RASAL3: variants seen among roughly 807,000 people sequenced by gnomAD.
RASAL3 encodes RAS protein activator like-3.
In RASAL3, 74 loss-of-function variants were observed where a neutral mutation model predicts 105.5. That is an observed-to-expected ratio of 0.70 (90% CI 0.58 to 0.85). RASAL3 has a LOEUF of 0.85. RASAL3 is among the 40% of genes least tolerant of loss of function. The pLI, the probability that RASAL3 is intolerant of heterozygous loss-of-function variation, is 0.00. For missense variants in RASAL3, 1,352 were observed against 1,392.0 expected, an observed-to-expected ratio of 0.97 and a Z score of 0.46; for synonymous variants, 579 against 591.6, an observed-to-expected ratio of 0.98 and a Z score of 0.31.
rs1970359516 is a variant in RASAL3, at chr19:15,457,443, A to C, written c.1280T>G (p.Leu427Arg). ...ARIRARRLRV[L>R]PSERYKELAE... Reference sequence around the variant, plus strand: ...CAGCTCCTTGTAGCGCTCGGACGGCAGCACGCGCAGGCGACGCGCCCGAAT... The same window carrying C: ...CAGCTCCTTGTAGCGCTCGGACGGCCGCACGCGCAGGCGACGCGCCCGAAT... Residue 427 changes from leucine (L) to arginine (R), a missense_variant, in exon 9 of 18, where the codon CTG (leucine) becomes CGG (arginine). Leu to Arg is a moderately radical substitution (Grantham distance 102). This residue lies in a region of RASAL3 where 920 missense variants were observed against 919.6 expected (regional missense o/e 1.00). Coordinates refer to ENST00000343625, the MANE Select transcript of RASAL3 (RefSeq NM_022904.3). The surrounding 1 kb of genome is among the most constrained non-coding windows in gnomAD (Gnocchi z 8.6). 1 of 1,418,754 alleles carries C rather than the reference A, an allele frequency of 7.0e-7. No homozygotes were observed. Among genetic ancestry groups the C allele is most frequent in the South Asian group, 1.3e-5 (1 of 75,900 alleles). 87.9% of individuals were successfully genotyped at this position (1,418,754 alleles called of 1,614,324 possible). A position where few individuals can be genotyped will look rare whatever the true frequency, so the allele number is the denominator to read the frequency against.
At chr19:15,454,303 C>A (rs371736465) in intron 13 of RASAL3, 36 bp from the exon 14 acceptor site, 40 of 1,566,630 alleles carry the variant, frequency 2.6e-5, no homozygotes, top group Non-Finnish European at 3.4e-5. Flanking sequence ...TGAGCAAAGT[C>A]TCCAGGGTCA....
chr19:15,456,890 C>T lies in RASAL3; in HGVS notation c.1432-244G>A. On this transcript the variant is annotated intron_variant, in intron 9 of 17. Coordinates refer to ENST00000343625, the MANE Select transcript of RASAL3 (RefSeq NM_022904.3). This position sits in a 1 kb window ranked among gnomAD's most constrained non-coding sequence, Gnocchi z 4.4. ...CCCCTCACGCGTGATGCTCAGGCCCCTGTCGCAGCTGAAGCTTAGGCTCCG... is the reference window on the plus strand; with the variant it reads ...CCCCTCACGCGTGATGCTCAGGCCCTTGTCGCAGCTGAAGCTTAGGCTCCG... 1 of 569,836 alleles carries T rather than the reference C, an allele frequency of 1.8e-6. No individual in the cohort carries two copies. The highest frequency in any genetic ancestry group is 3.1e-6 in the Non-Finnish European group (1 of 320,430). The allele number at this position is 569,836 out of a possible 1,614,324, so 35.3% of individuals were successfully genotyped here.
In RASAL3 at chr19:15,454,679, G is replaced by A. The variant is rs778407403; in HGVS notation, c.1936C>T (p.Gln646Ter). The change falls in exon 12 of 18, where the codon CAG (glutamine) becomes TAG (stop). Residue 646 changes from glutamine to a stop codon, truncating the protein, a stop_gained. Transcript: ENST00000343625. LOFTEE classifies it high-confidence loss of function. ...RTLTLIAKVI[Q>*]NLANRAPFGE... ...TACGGGGCACGGTTGGCGAGGTTCT[G>A]GATGACCTTGGCAATCAGTGTGAGG... The A allele has an allele frequency of 4.3e-6, 7 of 1,609,428 alleles. No homozygotes were observed. The highest frequency in any genetic ancestry group is 2.2e-5 in the South Asian group (2 of 90,662).
At position 15,458,414 on chromosome 19, in the gene RASAL3, C is replaced by T. The variant is rs372081880; in HGVS notation, c.802G>A (p.Gly268Ser). ...CGACAAGAGAAGCAGCGGCTTCCACCCGTCCAGGTTACCTGTTGGGATGGA... is the reference window on the plus strand; with the variant it reads ...CGACAAGAGAAGCAGCGGCTTCCACTCGTCCAGGTTACCTGTTGGGATGGA... Reference protein sequence around the residue: ...EPHCFQVTWTGGSRCFSCRSA... With the variant: ...EPHCFQVTWTSGSRCFSCRSA... Residue 268 changes from glycine (G) to serine (S), a missense_variant, in exon 8 of 18, where the codon GGT becomes AGT. Coordinates refer to ENST00000343625, the MANE Select transcript of RASAL3 (RefSeq NM_022904.3). 3.3e-5 allele frequency: 54 copies of T among 1,613,804 alleles called. No homozygotes were observed. Among genetic ancestry groups the T allele is most frequent in the Non-Finnish European group, 4.0e-5 (47 of 1,179,816 alleles).
rs1440987947 is a variant in RASAL3 at position 15,458,656 on chromosome 19, C to G, written c.663-1G>C. 2 of 1,612,606 alleles carry G rather than the reference C, an allele frequency of 1.2e-6. No individual in the cohort carries two copies. Among genetic ancestry groups the G allele is most frequent in the African/African-American group, 1.3e-5 (1 of 75,020 alleles). ...CCTAGAGCCCAGAGCACTGGGGGGT[C>G]TGGGAAGGGGGTGGGTGAGCACACC... is the stretch of plus-strand genomic sequence containing the variant. On this transcript the variant is annotated splice_acceptor_variant, in intron 6 of 17. Transcript: ENST00000343625. LOFTEE classifies it high-confidence loss of function.
Position 15,453,534 on chromosome 19 carries a change from GC to G in RASAL3, c.2280-38del. ...ATGGAGGATCTTAGACCCTCCACTG[GC>G]CCCTGAGACGACCCCATCCCGACCT... On this transcript the variant is annotated intron_variant, in intron 14 of 17. Coordinates refer to ENST00000343625, the MANE Select transcript of RASAL3 (RefSeq NM_022904.3). The surrounding 1 kb of genome is among the most constrained non-coding windows in gnomAD (Gnocchi z 4.2). The G allele has an allele frequency of 6.8e-7, 1 of 1,473,878 alleles. No individual in the cohort carries two copies. Among genetic ancestry groups the G allele is most frequent in the Admixed American group, 2.9e-5 (1 of 34,348 alleles). The allele number at this position is 1,473,878 out of a possible 1,614,324, so 91.3% of individuals were successfully genotyped here.
chr19:15,453,518 C>T lies in RASAL3; in HGVS notation c.2280-21G>A. ...AGAGGCTAGGGGTGGGATGGAGGAT[C>T]TTAGACCCTCCACTGGCCCCTGAGA... On this transcript the variant is annotated intron_variant, in intron 14 of 17. Coordinates refer to ENST00000343625, the MANE Select transcript of RASAL3 (RefSeq NM_022904.3). The surrounding 1 kb of genome is among the most constrained non-coding windows in gnomAD (Gnocchi z 4.2). The T allele has an allele frequency of 6.7e-7, 1 of 1,495,884 alleles. No homozygotes were observed. The highest frequency in any genetic ancestry group is 1.5e-5 in the African/African-American group (1 of 68,388). 92.7% of individuals were successfully genotyped at this position (1,495,884 alleles called of 1,614,324 possible).
chr19:15,454,034 T>A (rs1400257025), intron 14 of RASAL3, 115 bp downstream of exon 14: 1 of 744,744 alleles, frequency 1.3e-6, no homozygotes, highest in Non-Finnish European at 2.2e-6. Context: ...GTGATTCCCG[T>A]CTGACCCTGG....
At chr19:15,461,021 G>T in intron 5 of RASAL3, 39 bp downstream of exon 5, 1 of 1,596,724 alleles carries the variant, frequency 6.3e-7, no homozygotes, top group Non-Finnish European at 8.6e-7. Flanking sequence ...GAGAGTCTTG[G>T]CTCTCCCCTC....
chr19:15,455,337 A>T (rs1201748049), intron 11 of RASAL3, among the ~76,000 whole-genome samples: 1 of 152,186 alleles, frequency 6.6e-6, no homozygotes, highest in Non-Finnish European at 1.5e-5. Flanking sequence ...TATGCAGGTT[A>T]ACCTAGGGTC....
intron 15 of RASAL3, 79 bp from the exon 16 acceptor site, chr19:15,452,894 A>G: frequency 1.4e-6 from 2 of 1,474,142 alleles, no homozygotes; most frequent in East Asian, 2.5e-5. Flanking sequence ...TCCCAGGCCC[A>G]AGCGCTCAGC....
In RASAL3 at chr19:15,456,719, C is replaced by T; in HGVS notation, c.1432-73G>A. The T allele has an allele frequency of 6.5e-7, 1 of 1,536,346 alleles. No homozygotes were observed. Among genetic ancestry groups the T allele is most frequent in the Non-Finnish European group, 8.8e-7 (1 of 1,139,306 alleles). The stretch of plus-strand genomic sequence containing the variant: ...AGGGAATTCGGATCCTTGGCTGGTC[C>T]CTCACACCAGAGGCACAGGCCCCGC... On this transcript the variant is annotated intron_variant, in intron 9 of 17. Transcript: ENST00000343625. This position sits in a 1 kb window ranked among gnomAD's most constrained non-coding sequence, Gnocchi z 4.4.
Position 15,464,049 on chromosome 19 carries a change from G to C in RASAL3, c.310C>G (p.Pro104Ala). The C allele has an allele frequency of 6.4e-7, 1 of 1,572,714 alleles. No individual in the cohort carries two copies. Among genetic ancestry groups the C allele is most frequent in the Non-Finnish European group, 8.6e-7 (1 of 1,156,962 alleles). Residue 104 changes from proline (P) to alanine (A), a missense_variant, in exon 2 of 18, where the codon CCG becomes GCG. Physicochemically the swap from Pro to Ala is conservative, Grantham distance 27. This residue lies in a region of RASAL3 where 344 missense variants were observed against 339.6 expected (regional missense o/e 1.01). Transcript: ENST00000343625. ...KNPPPEPDPE[P>A]EQEAPELEPE... ...CATGTACCTGGGGCCTCCTGCTCCG[G>C]CTCCGGGTCTGGCTCCGGCGGTGGG...
At position 15,460,960 on chromosome 19, in the gene RASAL3, C is replaced by A. The variant is rs1420372269; in HGVS notation, c.606+100G>T. ...GACTCTGAGGCCCAAAGAGGGTCAG[C>A]AACCTGCTCCAGATCACCCAGCAAG... is the stretch of plus-strand genomic sequence containing the variant. On this transcript the variant is annotated intron_variant, in intron 5 of 17. Coordinates refer to ENST00000343625, the MANE Select transcript of RASAL3 (RefSeq NM_022904.3). 7.0e-5 allele frequency: 77 copies of A among 1,101,884 alleles called. 1 individual carries two copies. The highest frequency in any genetic ancestry group is 4.5e-4 in the South Asian group (34 of 75,536). The allele number at this position is 1,101,884 out of a possible 1,614,324, so 68.3% of individuals were successfully genotyped here.
intron 5 of RASAL3, among the ~76,000 whole-genome samples, chr19:15,460,499 C>A (rs969291652): frequency 5.3e-5 from 8 of 152,094 alleles, no homozygotes; most frequent in Admixed American, 3.9e-4. Context: ...CTCACTGCAG[C>A]CTCAAATTTC....
rs1031160950 is a variant in RASAL3, at chr19:15,464,348, G to C, written c.11C>G (p.Pro4Arg). The C allele has an allele frequency of 6.3e-7, 1 of 1,598,800 alleles. No individual in the cohort carries two copies. Among genetic ancestry groups the C allele is most frequent in the Middle Eastern group, 1.8e-4 (1 of 5,572 alleles). Residue 4 changes from proline to arginine, a missense_variant, in exon 2 of 18, where the codon CCG becomes CGG. By Grantham distance (103) the Pro-to-Arg change is moderately radical (BLOSUM62 -2). Around this residue, in one of 3 missense-constraint regions of RASAL3, gnomAD observed 344 missense variants for 339.6 expected, o/e 1.01. Coordinates refer to ENST00000343625, the MANE Select transcript of RASAL3 (RefSeq NM_022904.3). ...GGTTTGGGAGGTCCGGCTTGGCGAC[G>C]GTGGGTCCATGGTTGGGGGGGGGGG... is the stretch of plus-strand genomic sequence containing the variant. MDP[P>R]SPSRTSQTQP...
At chr19:15,463,000 GA>G (rs2145494125) in intron 2 of RASAL3, among the ~76,000 whole-genome samples, 1 of 151,710 alleles carries the variant, frequency 6.6e-6, no homozygotes, top group African/African-American at 2.4e-5. Flanking sequence ...TTACATTCCT[GA>G]GCCCTAATTC....
At position 15,460,187 on chromosome 19, in the gene RASAL3, T is replaced by C; in HGVS notation, c.662+16A>G. ...GTGTTGAACCCCAGCCCCTCCAGCC[T>C]CTCATACACCCTTACCCATCCCGGG... On this transcript the variant is annotated intron_variant, in intron 6 of 17. Transcript: ENST00000343625. 1 of 1,599,620 alleles carries C rather than the reference T, an allele frequency of 6.3e-7. No homozygotes were observed. Among genetic ancestry groups the C allele is most frequent in the Non-Finnish European group, 8.5e-7 (1 of 1,172,844 alleles).
chr19:15,454,340 T>C, intron 13 of RASAL3, 21 bp downstream of exon 13: 1 of 1,596,446 alleles, frequency 6.3e-7, no homozygotes, highest in African/African-American at 1.3e-5. Context: ...CTTGCCTCCC[T>C]ACTCTGGGTT....
Sources: gnomAD v4.1 joint callset for allele counts (sites outside exome capture counted in the v4.1 genomes callset) on GRCh38, gnomAD v4.1.1 for gene constraint, gnomAD v4.1.1 regional missense constraint, Gnocchi (gnomAD v3.1) non-coding constraint, MANE v1.5 for transcripts, NCBI Gene and HGNC (gene_info 2026-07-23, HGNC 2026-07-21) for gene names.